Variants in TLL2 observed in about 807,000 individuals in gnomAD.
The protein encoded by TLL2 is tolloid-like protein 2.
TLL2 carries 106 observed loss-of-function variants against 123.0 expected under a neutral mutation model. That is an observed-to-expected ratio of 0.86 (90% CI 0.74 to 1.01). TLL2 has a LOEUF of 1.01. Among genes scored for constraint, TLL2 ranks in the 50% least tolerant of loss-of-function variants. The pLI is 0.00. For synonymous variants in TLL2, 494 were observed against 516.8 expected (o/e 0.96, Z 0.60); for missense variants, 1,332 against 1,336.7 (o/e 1.00, Z 0.06).
intron 2 of TLL2, among the ~76,000 whole-genome samples, chr10:96,474,673 G>A (rs1398097406): frequency 6.6e-6 from 1 of 152,200 alleles, no homozygotes; most frequent in Non-Finnish European, 1.5e-5. Flanking sequence ...AATAAGCAAG[G>A]GGGAGCTATT....
intron 1 of TLL2, among the ~76,000 whole-genome samples, chr10:96,496,703 C>T (rs769007662): frequency 7.9e-5 from 12 of 152,220 alleles, no homozygotes; most frequent in Admixed American, 1.3e-4. Context: ...AACAAACACA[C>T]CTGCTCAGCT....
At chr10:96,369,173 G>A (rs1026471152) in intron 20 of TLL2, among the ~76,000 whole-genome samples, 1 of 152,194 alleles carries the variant, frequency 6.6e-6, no homozygotes, top group Non-Finnish European at 1.5e-5. Flanking sequence ...TGTCCAGTGC[G>A]GTGCAGCCAG....
In TLL2 at chr10:96,379,102, T is replaced by G. The variant is rs752083446; in HGVS notation, c.2195-10A>C. ...GCACACTCGTCCTTATCTGGGGAGATCAATGAACTCTTCTAAGAGGAACCG... is the reference window on the plus strand; with the variant it reads ...GCACACTCGTCCTTATCTGGGGAGAGCAATGAACTCTTCTAAGAGGAACCG... On this transcript the variant is annotated splice_polypyrimidine_tract_variant and intron_variant, in intron 16 of 20. Coordinates refer to ENST00000357947, the MANE Select transcript of TLL2 (RefSeq NM_012465.4). 5.0e-5 allele frequency: 81 copies of G among 1,612,456 alleles called. 1 individual carries two copies. The highest frequency in any genetic ancestry group is 6.7e-5 in the Non-Finnish European group (79 of 1,178,798).
intron 6 of TLL2, 50 bp from the exon 7 acceptor site, chr10:96,421,111 G>A (rs3789953): frequency 2.1e-6 from 3 of 1,453,910 alleles, no homozygotes; most frequent in East Asian, 4.5e-5. Context: ...TCAGGCACCT[G>A]AAAGGAGGCA....
chr10:96,415,753 C>CTG (rs1242348875), intron 7 of TLL2, among the ~76,000 whole-genome samples: 1 of 97,582 alleles, frequency 1.0e-5, no homozygotes, highest in African/African-American at 5.5e-5. Context: ...CTCTCTCTCT[C>CTG]TCTCTCTCTC....
chr10:96,496,022 C>G (rs1847471675), intron 1 of TLL2, among the ~76,000 whole-genome samples: 1 of 152,160 alleles, frequency 6.6e-6, no homozygotes, highest in Admixed American at 6.5e-5. Flanking sequence ...TCCTTGTTTT[C>G]CATATGAGGA....
intron 1 of TLL2, among the ~76,000 whole-genome samples, chr10:96,492,456 T>C (rs1469340851): frequency 6.6e-6 from 1 of 152,178 alleles, no homozygotes; most frequent in African/African-American, 2.4e-5. Context: ...AAAACCCGTC[T>C]CTACTAAAAA....
At chr10:96,385,334 G>A (rs901666814) in intron 15 of TLL2, among the ~76,000 whole-genome samples, 1 of 152,160 alleles carries the variant, frequency 6.6e-6, no homozygotes, top group Admixed American at 6.5e-5. Flanking sequence ...ACTGCTAAGG[G>A]GTCTTATCAA....
chr10:96,458,707 G>A, intron 2 of TLL2, among the ~76,000 whole-genome samples: 1 of 151,548 alleles, frequency 6.6e-6, no homozygotes, highest in South Asian at 2.1e-4. Flanking sequence ...GGAGGCAGAG[G>A]TTGCAGTAAG....
At position 96,429,987 on chromosome 10, in the gene TLL2, T is replaced by C. The variant is rs567923930; in HGVS notation, c.521-1239A>G. ...ATGAGAAGGATCTAGGAAAAAATAGTTGTCTGGGAAGTATGAAGGATGGTG... is the reference window on the plus strand; with the variant it reads ...ATGAGAAGGATCTAGGAAAAAATAGCTGTCTGGGAAGTATGAAGGATGGTG... On this transcript the variant is annotated intron_variant, in intron 4 of 20. Transcript: ENST00000357947. 3.9e-5 allele frequency among the ~76,000 whole-genome samples: 6 copies of C among 152,324 alleles called. No homozygotes were observed. In the South Asian group the frequency reaches 1.2e-3, roughly 32 times the overall value.
chr10:96,490,294 T>A (rs1190231849), intron 1 of TLL2, among the ~76,000 whole-genome samples: 1 of 152,210 alleles, frequency 6.6e-6, no homozygotes, highest in Non-Finnish European at 1.5e-5. Flanking sequence ...GTGCGTTTAA[T>A]ACACTTCAAT....
At chr10:96,490,111 A>G (rs1266990285) in intron 1 of TLL2, among the ~76,000 whole-genome samples, 1 of 152,164 alleles carries the variant, frequency 6.6e-6, no homozygotes, top group African/African-American at 2.4e-5. Context: ...AAAAATAAAA[A>G]CAATTGGAAA....
intron 2 of TLL2, among the ~76,000 whole-genome samples, chr10:96,465,024 A>T (rs1486232900): frequency 1.3e-5 from 2 of 152,238 alleles, no homozygotes; most frequent in African/African-American, 4.8e-5. Flanking sequence ...AGCCAGACTC[A>T]TTAGGTCATA....
rs1847656541 is a variant in TLL2, at chr10:96,513,757, C to T, written c.-72G>A. On this transcript the variant is annotated 5_prime_UTR_variant, in exon 1 of 21. The change creates a new upstream start codon in the 5' untranslated region. Transcript: ENST00000357947. ...CTCAGCTCGGCCGAAAGACGGCGCACACTGGGTCGGTCGGCTCCGGCCGGG... is the reference window on the plus strand; with the variant it reads ...CTCAGCTCGGCCGAAAGACGGCGCATACTGGGTCGGTCGGCTCCGGCCGGG... 1 of 1,401,944 alleles carries T rather than the reference C, an allele frequency of 7.1e-7. No individual in the cohort carries two copies. The highest frequency in any genetic ancestry group is 9.3e-7 in the Non-Finnish European group (1 of 1,074,246). The allele number at this position is 1,401,944 out of a possible 1,614,324, so 86.8% of individuals were successfully genotyped here. A position where few individuals can be genotyped will look rare whatever the true frequency, so the allele number is the denominator to read the frequency against.
intron 1 of TLL2, among the ~76,000 whole-genome samples, chr10:96,490,508 G>C (rs935395867): frequency 6.6e-6 from 1 of 152,212 alleles, no homozygotes; most frequent in African/African-American, 2.4e-5. Context: ...TTTGTGAAAA[G>C]TAGGGAACTA....
Position 96,373,660 on chromosome 10 carries a change from C to G in TLL2, c.2598G>C (p.Met866Ile). The G allele has an allele frequency of 6.2e-7, 1 of 1,614,254 alleles. No individual in the cohort carries two copies. The change falls in exon 19 of 21, where the codon ATG becomes ATC. Residue 866 changes from methionine (M) to isoleucine (I), a missense_variant. Coordinates refer to ENST00000357947, the MANE Select transcript of TLL2 (RefSeq NM_012465.4). ...AGGCATCCGAATAAAACCTGAGAAACATACTGCTGCCGGAAGCCACCGTGG... is the reference window on the plus strand; with the variant it reads ...AGGCATCCGAATAAAACCTGAGAAAGATACTGCTGCCGGAAGCCACCGTGG... ...PDPTVASGSS[M>I]FLRFYSDASV... is the part of the protein sequence containing the mutation.
At chr10:96,418,545 T>C (rs532238327) in intron 7 of TLL2, among the ~76,000 whole-genome samples, 2 of 152,264 alleles carry the variant, frequency 1.3e-5, no homozygotes, top group East Asian at 1.9e-4. Context: ...AATTTATTCA[T>C]TTAGCAAATG....
rs74151356 is a variant in TLL2 at position 96,484,976 on chromosome 10, T to C, written c.176-4517A>G. ...GAAATCTATGAATTGAGACTCATGC[T>C]CCTCACAGCATTCATTTTTATATTT... is the stretch of plus-strand genomic sequence containing the variant. On this transcript the variant is annotated intron_variant, in intron 1 of 20. Transcript: ENST00000357947. Among the ~76,000 whole-genome samples the C allele has an allele frequency of 4.3e-3, 655 of 152,360 alleles. 3 individuals are homozygous for C. Among genetic ancestry groups the C allele is most frequent in the Middle Eastern group, 0.017 (5 of 294 alleles).
intron 2 of TLL2, among the ~76,000 whole-genome samples, chr10:96,449,017 C>T (rs1396002689): frequency 6.6e-6 from 1 of 152,140 alleles, no homozygotes; most frequent in African/African-American, 2.4e-5. Context: ...CCAAGTGCCC[C>T]CCAGTGATGG....
Sources: gnomAD v4.1 joint callset for allele counts (sites outside exome capture counted in the v4.1 genomes callset) on GRCh38, gnomAD v4.1.1 for gene constraint, MANE v1.5 for transcripts, NCBI Gene and HGNC (gene_info 2026-07-23, HGNC 2026-07-21) for gene names.